KLRG1: variants seen among roughly 807,000 people sequenced by gnomAD.
The protein encoded by KLRG1 is killer cell lectin like receptor G1, also known as killer cell lectin-like receptor subfamily G member 1.
A neutral mutation model predicts 21.8 loss-of-function variants in KLRG1; 16 were observed. That is an observed-to-expected ratio of 0.73 (90% CI 0.50 to 1.11). The LOEUF (loss-of-function observed/expected upper bound fraction) is 1.11. Among genes scored for constraint, KLRG1 ranks in the 50% most tolerant of loss-of-function variants. KLRG1 has a pLI of 0.00. For synonymous variants in KLRG1, 69 were observed against 75.9 expected (o/e 0.91, Z 0.47); for missense variants, 173 against 218.3 (o/e 0.79, Z 1.31).
the KLRG1 span, among the ~76,000 whole-genome samples, chr12:9,194,896 C>G: frequency 1.3e-5 from 2 of 152,142 alleles, no homozygotes; most frequent in African/African-American, 4.8e-5. Context: ...TGGCTGTGTT[C>G]TGAACTCTAC....
chr12:9,185,943 G>T, the KLRG1 span, among the ~76,000 whole-genome samples: 1 of 151,736 alleles, frequency 6.6e-6, no homozygotes, highest in Non-Finnish European at 1.5e-5. Flanking sequence ...GAGTAGCTGG[G>T]ACTACAGGCG....
the KLRG1 span, chr12:9,027,685 G>T: frequency 9.5e-7 from 1 of 1,055,580 alleles, no homozygotes; most frequent in Non-Finnish European, 1.5e-6. Flanking sequence ...TTTGAAAACT[G>T]ATTGTTGTAA....
intron 1 of KLRG1, among the ~76,000 whole-genome samples, chr12:8,961,376 C>G (rs1314581553): frequency 6.6e-6 from 1 of 152,100 alleles, no homozygotes; most frequent in East Asian, 1.9e-4. Context: ...TAACAGGTAA[C>G]TGTGTTCCAT....
rs770844040 is a variant in KLRG1 at position 8,995,193 on chromosome 12, T to C, written c.262T>C (p.Tyr88His). 3 of 1,613,784 alleles carry C rather than the reference T, an allele frequency of 1.9e-6. No homozygotes were observed. The highest frequency in any genetic ancestry group is 2.5e-6 in the Non-Finnish European group (3 of 1,179,866). Reference protein sequence around the residue: ...RWMKYGNHCYYFSVEEKDWNS... With the variant: ...RWMKYGNHCYHFSVEEKDWNS... ...GATGAAATATGGTAACCATTGTTAT[T>C]ATTTCTCAGTGGAGGAAAAGGACTG... Residue 88 changes from tyrosine (Y) to histidine (H), a missense_variant, in exon 3 of 5, where the codon TAT becomes CAT. Physicochemically the swap from Tyr to His is moderately conservative, Grantham distance 83. Transcript: ENST00000356986.
the KLRG1 span, among the ~76,000 whole-genome samples, chr12:9,062,144 A>G: frequency 1.4e-5 from 2 of 147,630 alleles, no homozygotes; most frequent in African/African-American, 2.5e-5. Context: ...ATATATTTAT[A>G]TATTGTATAA....
chr12:9,017,026 G>T, the KLRG1 span, among the ~76,000 whole-genome samples: 1 of 151,788 alleles, frequency 6.6e-6, no homozygotes, highest in East Asian at 1.9e-4. Flanking sequence ...TTCAAACAGG[G>T]AGGCCAAGGC....
At chr12:9,058,667 T>A in the KLRG1 span, 2 of 152,530 alleles carry the variant, frequency 1.3e-5, no homozygotes, top group Admixed American at 1.3e-4. Flanking sequence ...GTAAAATATC[T>A]CACGTGAACA....
chr12:9,111,396 A>T, the KLRG1 span: 1 of 390,522 alleles, frequency 2.6e-6, no homozygotes, highest in Non-Finnish European at 5.1e-6. Context: ...GCCTCATTTT[A>T]GACAGAGGAG....
chr12:9,188,586 C>T, the KLRG1 span, among the ~76,000 whole-genome samples: 3 of 152,268 alleles, frequency 2.0e-5, 1 homozygote, highest in Admixed American at 6.5e-5. Flanking sequence ...TCAAACTATC[C>T]CTGTTTGCAG....
chr12:9,179,251 A>G, the KLRG1 span, among the ~76,000 whole-genome samples: 1 of 152,142 alleles, frequency 6.6e-6, no homozygotes, highest in African/African-American at 2.4e-5. Flanking sequence ...TTTTCTCCAA[A>G]TGGCAATTAT....
At chr12:9,209,845 A>C in the KLRG1 span, among the ~76,000 whole-genome samples, 1 of 152,154 alleles carries the variant, frequency 6.6e-6, no homozygotes, top group Non-Finnish European at 1.5e-5. Flanking sequence ...AAAATATGTC[A>C]TCACTATTAT....
At chr12:8,967,875 AG>A (rs1946503974) in intron 1 of KLRG1, among the ~76,000 whole-genome samples, 1 of 152,146 alleles carries the variant, frequency 6.6e-6, no homozygotes. Flanking sequence ...ATTATTTGAA[AG>A]CAGAATGTGA....
the KLRG1 span, among the ~76,000 whole-genome samples, chr12:9,097,632 CT>C: frequency 0.29 from 36,608 of 126,846 alleles, 4,409 homozygotes; most frequent in South Asian, 0.34. Flanking sequence ...TGATGTAATT[CT>C]TTTTTTTTTT....
At chr12:9,012,309 C>A (rs896892255), downstream of KLRG1, among the ~76,000 whole-genome samples, 1 of 152,124 alleles carries the variant, frequency 6.6e-6, no homozygotes, top group African/African-American at 2.4e-5. Context: ...GGCACCACCA[C>A]GCAGAGTCCT....
the KLRG1 span, chr12:9,113,275 C>T: frequency 6.8e-7 from 1 of 1,466,516 alleles, no homozygotes; most frequent in East Asian, 2.3e-5. Flanking sequence ...TTACCAACCT[C>T]CCAAAGCCTC....
At chr12:9,161,455 A>G in the KLRG1 span, among the ~76,000 whole-genome samples, 1 of 152,190 alleles carries the variant, frequency 6.6e-6, no homozygotes, top group Non-Finnish European at 1.5e-5. Flanking sequence ...TTGATAGTCT[A>G]ATTGCTTTTG....
At chr12:9,122,342 C>G in the KLRG1 span, among the ~76,000 whole-genome samples, 1 of 152,178 alleles carries the variant, frequency 6.6e-6, no homozygotes, top group Admixed American at 6.5e-5. Context: ...CCCCTTTGTT[C>G]ACTGTAGTGC....
chr12:8,960,362 C>T (rs2137213083), intron 1 of KLRG1, among the ~76,000 whole-genome samples: 1 of 152,294 alleles, frequency 6.6e-6, no homozygotes, highest in African/African-American at 2.4e-5. Context: ...ACAGAGGAAT[C>T]CTCTCAAGCC....
At chr12:9,095,663 A>G in the KLRG1 span, 2 of 1,611,866 alleles carry the variant, frequency 1.2e-6, no homozygotes, top group Non-Finnish European at 1.7e-6. Flanking sequence ...AGGCCCAGGG[A>G]AGCCAGTGAG....
Sources: gnomAD v4.1 joint callset for allele counts (sites outside exome capture counted in the v4.1 genomes callset) on GRCh38, gnomAD v4.1.1 for gene constraint, MANE v1.5 for transcripts, NCBI Gene and HGNC (gene_info 2026-07-23, HGNC 2026-07-21) for gene names.